The following CPVL variants were observed in gnomAD, a reference collection of about 807,000 sequenced individuals.
CPVL encodes the protein probable serine carboxypeptidase CPVL.
Under a neutral mutation model 63.7 loss-of-function variants are expected in CPVL, and 51 were observed. The observed-to-expected ratio is 0.80, with a 90% CI of 0.64 to 1.01. The LOEUF is 1.01. CPVL is among the 50% of genes least tolerant of loss of function. The pLI, the probability that CPVL is intolerant of heterozygous loss-of-function variation, is 0.00. For missense variants in CPVL, 530 were observed against 573.1 expected (o/e 0.92, Z 0.77); for synonymous variants, 195 against 206.0 (o/e 0.95, Z 0.46).
chr7:29,159,029 T>C (rs1228723257), intron 5 of CPVL, among the ~76,000 whole-genome samples: 2 of 152,246 alleles, frequency 1.3e-5, no homozygotes, highest in Admixed American at 6.5e-5. Flanking sequence ...GGGAATCTGC[T>C]ATCAGAGAAA....
chr7:28,996,421 C>A (rs1450140395), intron 12 of CPVL, among the ~76,000 whole-genome samples: 1 of 151,738 alleles, frequency 6.6e-6, no homozygotes, highest in Non-Finnish European at 1.5e-5. Flanking sequence ...ACATCCTTGA[C>A]TGAGGCAGGA....
chr7:29,051,708 A>G (rs934348009), intron 11 of CPVL, among the ~76,000 whole-genome samples: 1 of 152,080 alleles, frequency 6.6e-6, no homozygotes, highest in African/African-American at 2.4e-5. Context: ...AACTAAAAGT[A>G]GAACTACCAT....
chr7:29,091,543 TG>T lies in CPVL; in HGVS notation c.542+1079del, dbSNP rs3214355. Among the ~76,000 whole-genome samples, 8 of 152,102 alleles carry T rather than the reference TG, an allele frequency of 5.3e-5. No homozygotes were observed. In the South Asian group the frequency reaches 1.7e-3, roughly 32 times the overall value. ...CTGTGGAGGGAAGGGGAGGAGGTGC[TG>T]GGGGGAACACCCCGTCAGCATCTTG... is the stretch of plus-strand genomic sequence containing the variant. On this transcript the variant is annotated intron_variant, in intron 6 of 12. Transcript: ENST00000265394.
chr7:29,152,528 A>G (rs1008492772), intron 5 of CPVL, among the ~76,000 whole-genome samples: 3 of 152,232 alleles, frequency 2.0e-5, no homozygotes, highest in African/African-American at 7.2e-5. Context: ...CACTAGCTAA[A>G]TGATACAGTG....
intron 12 of CPVL, among the ~76,000 whole-genome samples, chr7:29,019,204 C>A (rs1378357650): frequency 6.6e-6 from 1 of 152,092 alleles, no homozygotes; most frequent in East Asian, 1.9e-4. Flanking sequence ...TAGGTGATAT[C>A]TTAGAAATAA....
intron 5 of CPVL, among the ~76,000 whole-genome samples, chr7:29,158,444 G>A (rs981814905): frequency 6.6e-6 from 1 of 152,168 alleles, no homozygotes; most frequent in African/African-American, 2.4e-5. Context: ...GCTATGATGT[G>A]TGTGGGTAAG....
intron 11 of CPVL, among the ~76,000 whole-genome samples, chr7:29,056,425 G>T (rs1279205707): frequency 1.3e-5 from 2 of 152,148 alleles, no homozygotes; most frequent in Non-Finnish European, 2.9e-5. Flanking sequence ...ATGTCACATA[G>T]TTGGGATCAT....
intron 12 of CPVL, among the ~76,000 whole-genome samples, chr7:29,014,507 AT>A (rs534644628): frequency 1.9e-4 from 28 of 144,756 alleles, no homozygotes; most frequent in Admixed American, 3.4e-4. Context: ...AATTCTTTTA[AT>A]TTTTTTTTTT....
chr7:29,008,181 GGAT>G (rs1336731895), intron 12 of CPVL, among the ~76,000 whole-genome samples: 1 of 152,156 alleles, frequency 6.6e-6, no homozygotes, highest in Non-Finnish European at 1.5e-5. Context: ...CATGTTTGGG[GGAT>G]GATATGGTAT....
intron 12 of CPVL, among the ~76,000 whole-genome samples, chr7:29,021,947 C>T (rs1443818397): frequency 3.3e-5 from 5 of 152,144 alleles, no homozygotes; most frequent in Non-Finnish European, 7.3e-5. Context: ...GTCCCCAAAA[C>T]TTTAGCTCAT....
At chr7:29,087,894 T>C (rs1204545813) in intron 6 of CPVL, among the ~76,000 whole-genome samples, 1 of 152,244 alleles carries the variant, frequency 6.6e-6, no homozygotes, top group Non-Finnish European at 1.5e-5. Context: ...GTGGCCTTTG[T>C]AGCAACTAAA....
chr7:29,109,574 T>C (rs1478058949), intron 3 of CPVL, among the ~76,000 whole-genome samples: 1 of 152,160 alleles, frequency 6.6e-6, no homozygotes, highest in Non-Finnish European at 1.5e-5. Context: ...GCCTCAGATA[T>C]CTGGCTCTGC....
At chr7:29,165,742 A>C (rs934831099) in intron 5 of CPVL, among the ~76,000 whole-genome samples, 5 of 152,058 alleles carry the variant, frequency 3.3e-5, no homozygotes, top group Non-Finnish European at 5.9e-5. Flanking sequence ...AAATTTTTTC[A>C]TCATGAATAG....
Position 29,095,081 on chromosome 7 carries a change from T to C in CPVL, c.462+3A>G. The C allele has an allele frequency of 6.2e-7, 1 of 1,612,840 alleles. No homozygotes were observed. Among genetic ancestry groups the C allele is most frequent in the Non-Finnish European group, 8.5e-7 (1 of 1,178,802 alleles). ...ACAGCTCACAGGGTCATCCCGGACT[T>C]ACTGGATTGTCAATGTAAAGCATGG... is the stretch of plus-strand genomic sequence containing the variant. On this transcript the variant is annotated splice_donor_region_variant and intron_variant, in intron 5 of 12. Transcript: ENST00000265394.
At chr7:29,104,065 A>G (rs1378177796) in intron 3 of CPVL, among the ~76,000 whole-genome samples, 3 of 152,326 alleles carry the variant, frequency 2.0e-5, no homozygotes, top group Admixed American at 1.3e-4. Flanking sequence ...TTTTGTGACT[A>G]GAATTGTTAA....
chr7:29,182,890 G>A (rs1323434078), intron 4 of CPVL, among the ~76,000 whole-genome samples: 1 of 152,130 alleles, frequency 6.6e-6, no homozygotes. Context: ...ACAGCCTGCT[G>A]CCTTTAAATG....
At chr7:29,178,729 G>A (rs1446824759) in intron 5 of CPVL, among the ~76,000 whole-genome samples, 3 of 152,146 alleles carry the variant, frequency 2.0e-5, no homozygotes, top group African/African-American at 7.2e-5. Flanking sequence ...TTGAATGACT[G>A]TTTGGCATTA....
chr7:29,086,906 G>A (rs943140210), intron 6 of CPVL, among the ~76,000 whole-genome samples: 5 of 152,258 alleles, frequency 3.3e-5, no homozygotes, highest in African/African-American at 7.2e-5. Flanking sequence ...CCATTAGCCC[G>A]GGTTTGTGGT....
In CPVL at chr7:29,190,207, G is replaced by C. The variant is rs141152317; in HGVS notation, c.-447-3660C>G. ...CGAAATATTTCTCACTACAGCAAAA[G>C]AGCATTTTGATGTTGAGAAATTGAT... On this transcript the variant is annotated intron_variant, in intron 1 of 16. Transcript: ENST00000409850. Among the ~76,000 whole-genome samples the C allele has an allele frequency of 2.0e-5, 3 of 152,340 alleles. No homozygotes were observed. In the East Asian group the frequency reaches 5.8e-4, roughly 29 times the overall value.
Sources: gnomAD v4.1 joint callset for allele counts (sites outside exome capture counted in the v4.1 genomes callset) on GRCh38, gnomAD v4.1.1 for gene constraint, MANE v1.5 for transcripts, NCBI Gene and HGNC (gene_info 2026-07-23, HGNC 2026-07-21) for gene names.